Variants in TMTC2 observed in about 807,000 individuals in gnomAD.
The protein encoded by TMTC2 is protein O-mannosyl-transferase TMTC2.
In TMTC2, 43 loss-of-function variants were observed where a neutral mutation model predicts 82.4. The ratio of observed to expected loss-of-function variants is 0.52; its 90% CI spans 0.41 to 0.67. The LOEUF is 0.67. Among genes scored for constraint, TMTC2 ranks in the 30% least tolerant of loss-of-function variants. TMTC2 has a pLI of 0.00. For missense variants in TMTC2, 919 were observed against 1,012.4 expected, an observed-to-expected ratio of 0.91 and a Z score of 1.25; for synonymous variants, 408 against 381.9, an observed-to-expected ratio of 1.07 and a Z score of -0.80.
At chr12:82,815,381 G>T (rs1470891873) in intron 1 of TMTC2, among the ~76,000 whole-genome samples, 1 of 151,654 alleles carries the variant, frequency 6.6e-6, no homozygotes, top group East Asian at 1.9e-4. Context: ...TGCTATCTCG[G>T]CTCACTGCAA....
At chr12:82,856,981 T>A (rs1871286408) in intron 1 of TMTC2, 29 bp from the exon 2 acceptor site, 1 of 1,573,744 alleles carries the variant, frequency 6.4e-7, no homozygotes, top group African/African-American at 1.4e-5. Flanking sequence ...TGTTTTACAT[T>A]TGATTTTTTT....
At chr12:82,943,590 A>G (rs113628451) in intron 4 of TMTC2, among the ~76,000 whole-genome samples, 237 of 152,292 alleles carry the variant, frequency 1.6e-3, no homozygotes, top group African/African-American at 5.4e-3. Flanking sequence ...TTAGCTCTCA[A>G]GGTGAAATTT....
chr12:82,742,570 A>G (rs1875470105), intron 1 of TMTC2, among the ~76,000 whole-genome samples: 1 of 149,404 alleles, frequency 6.7e-6, no homozygotes, highest in Non-Finnish European at 1.5e-5. Context: ...CCCAGGCTGT[A>G]GTGCAATGGC....
intron 11 of TMTC2, among the ~76,000 whole-genome samples, chr12:83,127,713 A>G (rs1357681015): frequency 2.0e-5 from 3 of 152,118 alleles, no homozygotes; most frequent in Non-Finnish European, 4.4e-5. Context: ...GTGTGTTCAC[A>G]ATACCCTGTG....
intron 11 of TMTC2, among the ~76,000 whole-genome samples, chr12:83,073,651 T>G (rs918251544): frequency 2.4e-4 from 37 of 152,052 alleles, no homozygotes; most frequent in African/African-American, 8.9e-4. Context: ...AATCCCAGAC[T>G]TTTTGGAGCC....
intron 1 of TMTC2, among the ~76,000 whole-genome samples, chr12:82,838,564 A>G (rs900084831): frequency 1.3e-5 from 2 of 152,184 alleles, no homozygotes; most frequent in Non-Finnish European, 1.5e-5. Context: ...GTAGAAGTTC[A>G]AGATGTGGTG....
chr12:82,924,895 AC>A (rs137957730), intron 3 of TMTC2, among the ~76,000 whole-genome samples: 2,912 of 151,954 alleles, frequency 0.019, 101 homozygotes, highest in East Asian at 0.17. Context: ...ACATAAAATA[AC>A]CCCCAGACTT....
In TMTC2 at chr12:82,901,416, G is replaced by A. The variant is rs562601800; in HGVS notation, c.1483+4770G>A. 5.4e-5 allele frequency among the ~76,000 whole-genome samples: 8 copies of A among 148,858 alleles called. No homozygotes were observed. The East Asian group carries it at 7.9e-4, about 15-fold the overall frequency. On this transcript the variant is annotated intron_variant, in intron 3 of 11. Transcript: ENST00000321196. Reference sequence around the variant, plus strand: ...GACTTCTGGGTTCAAGCAATTCACCGGCCACAGCCTCCCAAGTAGCTAGGA... The same window carrying A: ...GACTTCTGGGTTCAAGCAATTCACCAGCCACAGCCTCCCAAGTAGCTAGGA...
At chr12:83,047,413 C>T (rs574017342) in intron 9 of TMTC2, among the ~76,000 whole-genome samples, 6 of 152,262 alleles carry the variant, frequency 3.9e-5, no homozygotes, top group East Asian at 1.9e-4. Context: ...CATCAGTTCT[C>T]GGCTATATTT....
intron 1 of TMTC2, among the ~76,000 whole-genome samples, chr12:82,745,451 G>T (rs537832106): frequency 6.6e-6 from 1 of 152,284 alleles, no homozygotes; most frequent in East Asian, 1.9e-4. Context: ...GAACTAGAGT[G>T]TCCTAAGTGA....
chr12:82,687,269 C>T lies in TMTC2; in HGVS notation c.-318C>T. On this transcript the variant is annotated 5_prime_UTR_variant, in exon 1 of 12. Coordinates refer to ENST00000321196, the MANE Select transcript of TMTC2 (RefSeq NM_152588.3). The stretch of plus-strand genomic sequence containing the variant: ...CTGCCATGGGTTAGGGTGGGGATCG[C>T]GACCCGCGCGAAAGACCAGCCCTGC... 5 of 438,512 alleles carry T rather than the reference C, an allele frequency of 1.1e-5. No individual in the cohort carries two copies. The highest frequency in any genetic ancestry group is 1.1e-4 in the South Asian group (5 of 43,908). 27.2% of individuals were successfully genotyped at this position (438,512 alleles called of 1,614,324 possible).
intron 1 of TMTC2, among the ~76,000 whole-genome samples, chr12:82,753,010 C>G (rs1216752449): frequency 6.6e-6 from 1 of 152,098 alleles, no homozygotes; most frequent in Non-Finnish European, 1.5e-5. Flanking sequence ...GAGAATTTCT[C>G]TCTCTTGGTC....
chr12:82,974,798 G>A (rs936172210), intron 7 of TMTC2, among the ~76,000 whole-genome samples: 7 of 152,172 alleles, frequency 4.6e-5, no homozygotes, highest in South Asian at 2.1e-4. Context: ...AAAAGGGTAC[G>A]ATCTAGTGTA....
intron 1 of TMTC2, among the ~76,000 whole-genome samples, chr12:82,840,777 C>A (rs1222417366): frequency 6.6e-6 from 1 of 151,936 alleles, no homozygotes; most frequent in African/African-American, 2.4e-5. Context: ...TGTTTTGTTC[C>A]GGTTTGTTTT....
chr12:82,887,310 A>G (rs2137165329), intron 2 of TMTC2, among the ~76,000 whole-genome samples: 1 of 152,298 alleles, frequency 6.6e-6, no homozygotes, highest in East Asian at 1.9e-4. Flanking sequence ...TATTAATGAC[A>G]GTTTTCTTTC....
intron 1 of TMTC2, among the ~76,000 whole-genome samples, chr12:82,772,986 A>G (rs1237210695): frequency 6.6e-6 from 1 of 152,174 alleles, no homozygotes; most frequent in Admixed American, 6.5e-5. Flanking sequence ...CAAAGGTTTG[A>G]AAGGTATTTT....
intron 7 of TMTC2, among the ~76,000 whole-genome samples, chr12:82,979,762 G>A (rs1421630538): frequency 6.6e-6 from 1 of 151,714 alleles, no homozygotes; most frequent in African/African-American, 2.4e-5. Context: ...ACTCCCTTTA[G>A]CATTTCTTGT....
chr12:82,787,737 CG>C (rs768830279), intron 1 of TMTC2, among the ~76,000 whole-genome samples: 1 of 151,976 alleles, frequency 6.6e-6, no homozygotes, highest in South Asian at 2.1e-4. Context: ...GGCAAAACCC[CG>C]TCTTTACTAA....
chr12:82,839,679 T>G (rs1870232242), intron 1 of TMTC2, among the ~76,000 whole-genome samples: 1 of 152,216 alleles, frequency 6.6e-6, no homozygotes, highest in South Asian at 2.1e-4. Context: ...ATGGTTGTTT[T>G]ATTAGAATCG....
Sources: allele counts gnomAD v4.1 joint callset (sites outside exome capture counted in the v4.1 genomes callset), GRCh38; gene constraint gnomAD v4.1.1; transcripts MANE v1.5; gene names NCBI Gene and HGNC (gene_info 2026-07-23, HGNC 2026-07-21).